PIP5K1B: variants seen among roughly 807,000 people sequenced by gnomAD.
PIP5K1B encodes the protein phosphatidylinositol 4-phosphate 5-kinase type-1 beta.
A neutral mutation model predicts 67.0 loss-of-function variants in PIP5K1B; 42 were observed. The observed-to-expected ratio is 0.63, with a 90% CI of 0.49 to 0.81. The LOEUF is 0.81. Among genes scored for constraint, PIP5K1B ranks in the 30% least tolerant of loss-of-function variants. PIP5K1B has a pLI of 0.00. For synonymous variants in PIP5K1B, 214 were observed against 231.4 expected (o/e 0.92, Z 0.68); for missense variants, 459 against 646.3 (o/e 0.71, Z 3.14).
At chr9:68,891,941 T>C (rs745387606) in intron 7 of PIP5K1B, among the ~76,000 whole-genome samples, 4 of 152,120 alleles carry the variant, frequency 2.6e-5, no homozygotes, top group Non-Finnish European at 4.4e-5. Context: ...GTAATTCTGA[T>C]TGGGAAAGCA....
At chr9:68,923,248 C>A in intron 11 of PIP5K1B, 54 bp from the exon 12 acceptor site, 1 of 961,096 alleles carries the variant, frequency 1.0e-6, no homozygotes, top group Non-Finnish European at 1.7e-6. Flanking sequence ...TCTCTTCTGA[C>A]TTGAGATGAA....
At chr9:68,940,522 T>A (rs967601779) in intron 13 of PIP5K1B, 124 bp from the exon 14 acceptor site, 3 of 869,238 alleles carry the variant, frequency 3.5e-6, no homozygotes, top group Non-Finnish European at 5.3e-6. Context: ...GTGCAGTTAA[T>A]TCATAATTGA....
At chr9:68,724,218 G>A (rs1482539086) in intron 1 of PIP5K1B, among the ~76,000 whole-genome samples, 1 of 139,114 alleles carries the variant, frequency 7.2e-6, no homozygotes, top group East Asian at 2.1e-4. Flanking sequence ...GTAGGTCTAT[G>A]TGTCTGTGTT....
intron 1 of PIP5K1B, among the ~76,000 whole-genome samples, chr9:68,736,260 G>A (rs1253053656): frequency 1.3e-5 from 2 of 152,190 alleles, no homozygotes; most frequent in Non-Finnish European, 2.9e-5. Flanking sequence ...GAAGTAGAAA[G>A]ACCAGTTAAA....
Position 68,829,566 on chromosome 9 carries a change from A to G in PIP5K1B, c.69+6883A>G, listed in dbSNP as rs139453352. On this transcript the variant is annotated intron_variant, in intron 4 of 15. Coordinates refer to ENST00000265382, the MANE Select transcript of PIP5K1B (RefSeq NM_003558.4). ...CTGCGTCTTATGATGCAGAGGATGGACCCCCAAAACAAAGAATTATCTAAA... is the reference window on the plus strand; with the variant it reads ...CTGCGTCTTATGATGCAGAGGATGGGCCCCCAAAACAAAGAATTATCTAAA... Among the ~76,000 whole-genome samples the G allele has an allele frequency of 5.5e-3, 834 of 152,182 alleles. 5 individuals are homozygous for G. The highest frequency in any genetic ancestry group is 0.018 in the African/African-American group (767 of 41,490).
intron 5 of PIP5K1B, among the ~76,000 whole-genome samples, chr9:68,865,081 A>G (rs1302814982): frequency 1.3e-5 from 2 of 152,142 alleles, no homozygotes; most frequent in Non-Finnish European, 2.9e-5. Context: ...AAAGTCAGCT[A>G]CCTCGTTTTG....
Position 68,991,149 on chromosome 9 carries a change from A to G in PIP5K1B, c.1512A>G (p.Leu504=). Residue 504 remains leucine (L), a synonymous_variant, in exon 15 of 16, where the codon TTA becomes TTG. Transcript: ENST00000265382. ...ATCTTTATTTTTCCAGCAAAGGGTT[A>G]CCTTCCAGTTCAACATTTACCTTGG... ...RPTLYSNSKG[L]PSSSTFTLEE... 6.3e-7 allele frequency: 1 copy of G among 1,590,592 alleles called. No homozygotes were observed. The highest frequency in any genetic ancestry group is 8.6e-7 in the Non-Finnish European group (1 of 1,158,650).
intron 11 of PIP5K1B, among the ~76,000 whole-genome samples, chr9:68,921,125 T>G (rs540427478): frequency 6.6e-6 from 1 of 152,262 alleles, no homozygotes; most frequent in South Asian, 2.1e-4. Context: ...ACTTCAGTCA[T>G]AATGCACTTT....
chr9:68,729,893 C>A (rs1256329866), intron 1 of PIP5K1B, among the ~76,000 whole-genome samples: 6 of 151,400 alleles, frequency 4.0e-5, no homozygotes, highest in Admixed American at 3.9e-4. Context: ...CCCTTAGATC[C>A]AGTAATTTCC....
intron 8 of PIP5K1B, among the ~76,000 whole-genome samples, chr9:68,910,362 A>C (rs1037513616): frequency 6.6e-6 from 1 of 152,194 alleles, no homozygotes; most frequent in Non-Finnish European, 1.5e-5. Flanking sequence ...TTTTCTGACA[A>C]CACAGAGCAC....
chr9:68,957,895 A>G (rs1828486008), intron 14 of PIP5K1B, among the ~76,000 whole-genome samples: 1 of 151,180 alleles, frequency 6.6e-6, no homozygotes, highest in African/African-American at 2.4e-5. Context: ...TTCTCTTTAG[A>G]CAAGGTCTGG....
chr9:68,841,196 A>G (rs927385051), intron 4 of PIP5K1B, among the ~76,000 whole-genome samples: 2 of 152,214 alleles, frequency 1.3e-5, no homozygotes, highest in African/African-American at 4.8e-5. Flanking sequence ...ATAAACATGA[A>G]CCTGGCTTCA....
At chr9:68,795,476 C>A (rs1313949556) in intron 2 of PIP5K1B, among the ~76,000 whole-genome samples, 2 of 152,100 alleles carry the variant, frequency 1.3e-5, no homozygotes, top group Non-Finnish European at 2.9e-5. Context: ...GGGCAAATTT[C>A]CTGAAGGAAA....
At chr9:68,802,100 A>G (rs760545114) in intron 2 of PIP5K1B, among the ~76,000 whole-genome samples, 9 of 152,238 alleles carry the variant, frequency 5.9e-5, no homozygotes, top group East Asian at 1.9e-4. Flanking sequence ...AAGTTATTCC[A>G]AAAGAGAAAC....
At chr9:68,968,616 T>G (rs534776985) in intron 14 of PIP5K1B, among the ~76,000 whole-genome samples, 1 of 152,052 alleles carries the variant, frequency 6.6e-6, no homozygotes, top group South Asian at 2.1e-4. Context: ...TTCTAGCACA[T>G]GATATTTCAA....
At chr9:68,920,811 C>CACACACACACACAA (rs1826355051) in intron 11 of PIP5K1B, among the ~76,000 whole-genome samples, 5 of 151,500 alleles carry the variant, frequency 3.3e-5, no homozygotes, top group African/African-American at 1.2e-4. Context: ...CATACACACA[C>CACACACACACACAA]ACACACACAC....
At chr9:68,898,310 G>A (rs1825192065) in intron 8 of PIP5K1B, among the ~76,000 whole-genome samples, 1 of 152,116 alleles carries the variant, frequency 6.6e-6, no homozygotes. Context: ...ATTCCCCATT[G>A]GCTGTGTGTG....
intron 12 of PIP5K1B, among the ~76,000 whole-genome samples, chr9:68,927,222 G>A (rs1402931932): frequency 6.6e-6 from 1 of 152,148 alleles, no homozygotes; most frequent in Non-Finnish European, 1.5e-5. Context: ...GAATAATGCT[G>A]TTACGAACAT....
At chr9:68,764,992 C>G (rs2132402207) in intron 2 of PIP5K1B, among the ~76,000 whole-genome samples, 1 of 152,070 alleles carries the variant, frequency 6.6e-6, no homozygotes, top group South Asian at 2.1e-4. Context: ...TTAGAACATG[C>G]ATTCTGAATA....
Sources: allele counts gnomAD v4.1 joint callset (sites outside exome capture counted in the v4.1 genomes callset), GRCh38; gene constraint gnomAD v4.1.1; transcripts MANE v1.5; gene names NCBI Gene and HGNC (gene_info 2026-07-23, HGNC 2026-07-21).